Variants in TAFA2 observed in about 807,000 individuals in gnomAD.
TAFA2 encodes the protein chemokine-like protein TAFA-2.
TAFA2 carries 7 observed loss-of-function variants against 18.8 expected under a neutral mutation model. The observed-to-expected ratio is 0.37, with a 90% CI of 0.21 to 0.70. The LOEUF is 0.70. TAFA2 is among the 30% of genes least tolerant of loss of function. TAFA2 has a pLI of 0.53. For synonymous variants in TAFA2, 60 were observed against 54.2 expected, an observed-to-expected ratio of 1.11 and a Z score of -0.47; for missense variants, 122 against 158.1, an observed-to-expected ratio of 0.77 and a Z score of 1.23.
rs189233657 is a variant in TAFA2 at position 61,740,731 on chromosome 12, G to C, written c.384+12891C>G. Among the ~76,000 whole-genome samples the C allele has an allele frequency of 8.4e-4, 128 of 151,578 alleles. 1 individual carries two copies. The highest frequency in any genetic ancestry group is 3.0e-3 in the African/African-American group (123 of 41,348). ...AAAAAAAAAGTTTGTCACCAGAAGA[G>C]AATAAGCAATAAAATATAAAGGTAA... On this transcript the variant is annotated intron_variant, in intron 4 of 4. Coordinates refer to ENST00000416284, the MANE Select transcript of TAFA2 (RefSeq NM_178539.5).
chr12:61,815,040 G>A (rs1712490054), intron 2 of TAFA2, among the ~76,000 whole-genome samples: 1 of 151,480 alleles, frequency 6.6e-6, no homozygotes, highest in Non-Finnish European at 1.5e-5. Context: ...CCTAGTGTGT[G>A]GTAATTTGTT....
intron 1 of TAFA2, among the ~76,000 whole-genome samples, chr12:62,094,349 G>A (rs1336536865): frequency 6.6e-6 from 1 of 151,950 alleles, no homozygotes. Flanking sequence ...TTGGGAAGAG[G>A]CGGTGAAGGA....
intron 2 of TAFA2, among the ~76,000 whole-genome samples, chr12:61,838,773 G>A (rs1565651934): frequency 6.6e-6 from 1 of 151,948 alleles, no homozygotes; most frequent in Non-Finnish European, 1.5e-5. Flanking sequence ...TGGAGTGAGG[G>A]GCAGCAGAAG....
At chr12:61,881,855 C>A (rs1205048652) in intron 1 of TAFA2, among the ~76,000 whole-genome samples, 1 of 151,858 alleles carries the variant, frequency 6.6e-6, no homozygotes, top group African/African-American at 2.4e-5. Context: ...CAGTTCGAAG[C>A]CATCTTATTT....
At chr12:62,081,543 G>T (rs1181376206) in intron 1 of TAFA2, among the ~76,000 whole-genome samples, 1 of 151,898 alleles carries the variant, frequency 6.6e-6, no homozygotes, top group Non-Finnish European at 1.5e-5. Flanking sequence ...GGAGTACGGT[G>T]GTGCAATCTC....
intron 1 of TAFA2, among the ~76,000 whole-genome samples, chr12:61,985,649 A>C (rs1879786652): frequency 6.6e-6 from 1 of 152,196 alleles, no homozygotes; most frequent in Non-Finnish European, 1.5e-5. Flanking sequence ...AGCTCCCTGT[A>C]CTTCAGAAGT....
upstream of TAFA2, among the ~76,000 whole-genome samples, chr12:62,193,344 A>G (rs1323031496): frequency 6.6e-6 from 1 of 152,216 alleles, no homozygotes; most frequent in Admixed American, 6.5e-5. Flanking sequence ...GCCAGTTTTC[A>G]TACCTCTTTT....
intron 1 of TAFA2, among the ~76,000 whole-genome samples, chr12:61,939,395 G>A (rs571707914): frequency 1.3e-5 from 2 of 151,866 alleles, no homozygotes; most frequent in African/African-American, 2.4e-5. Flanking sequence ...TTTTCCTCTG[G>A]TATTTGAATA....
In TAFA2 at chr12:61,782,527, GT is replaced by G. The variant is rs1338623895; in HGVS notation, c.107-27504del. On this transcript the variant is annotated intron_variant, in intron 2 of 4. Coordinates refer to ENST00000416284, the MANE Select transcript of TAFA2 (RefSeq NM_178539.5). ...TTGATGTCTTTTGTCTCCCCAAAAT[GT>G]TTTTTACACATGTTATACAAAACCA... Among the ~76,000 whole-genome samples, 5 of 151,696 alleles carry G rather than the reference GT, an allele frequency of 3.3e-5. No homozygotes were observed. The East Asian group carries it at 7.8e-4, about 24-fold the overall frequency.
At chr12:61,953,790 CACACTA>C (rs1047712399) in intron 1 of TAFA2, among the ~76,000 whole-genome samples, 5 of 152,156 alleles carry the variant, frequency 3.3e-5, no homozygotes, top group Admixed American at 2.6e-4. Context: ...TGTCACATGT[CACACTA>C]ACACAGAGAA....
chr12:62,200,477 G>A (rs1407063144), intron 1 of TAFA2, among the ~76,000 whole-genome samples: 1 of 152,168 alleles, frequency 6.6e-6, no homozygotes, highest in Non-Finnish European at 1.5e-5. Flanking sequence ...CATATGGCTA[G>A]CCAGTTATCC....
chr12:61,733,378 TTTTC>T, intron 4 of TAFA2, among the ~76,000 whole-genome samples: 1 of 152,060 alleles, frequency 6.6e-6, no homozygotes, highest in Non-Finnish European at 1.5e-5. Flanking sequence ...AATGCCCAGG[TTTTC>T]TTCTAGGGTT....
intron 1 of TAFA2, among the ~76,000 whole-genome samples, chr12:61,888,007 A>G (rs1207489839): frequency 6.6e-6 from 1 of 152,044 alleles, no homozygotes; most frequent in Non-Finnish European, 1.5e-5. Flanking sequence ...CATCAGAGAA[A>G]TGCAAATCAA....
intron 1 of TAFA2, among the ~76,000 whole-genome samples, chr12:61,884,824 G>GA (rs1437712710): frequency 6.6e-6 from 1 of 151,732 alleles, no homozygotes; most frequent in Non-Finnish European, 1.5e-5. Flanking sequence ...GAGAGAAAAA[G>GA]AAAAAAGAAG....
chr12:61,951,742 G>A (rs1878474626), intron 1 of TAFA2, among the ~76,000 whole-genome samples: 1 of 151,990 alleles, frequency 6.6e-6, no homozygotes, highest in Non-Finnish European at 1.5e-5. Flanking sequence ...AATAAATTAG[G>A]AAACCAGTAC....
chr12:61,929,388 A>T (rs1565685213), intron 1 of TAFA2, among the ~76,000 whole-genome samples: 1 of 152,172 alleles, frequency 6.6e-6, no homozygotes, highest in Non-Finnish European at 1.5e-5. Flanking sequence ...TATGCAGCCA[A>T]AAGACACATG....
chr12:61,864,697 C>T (rs1166414454), intron 2 of TAFA2, among the ~76,000 whole-genome samples: 5 of 142,624 alleles, frequency 3.5e-5, no homozygotes, highest in African/African-American at 7.9e-5. Context: ...GGCGTGAACC[C>T]GGGAGGCGGA....
intron 1 of TAFA2, among the ~76,000 whole-genome samples, chr12:62,035,398 G>A (rs1881570841): frequency 6.6e-6 from 1 of 152,166 alleles, no homozygotes; most frequent in East Asian, 1.9e-4. Context: ...AGCGCTCTAA[G>A]GGGAAAGCAA....
chr12:61,772,130 G>A (rs1439205591), intron 2 of TAFA2, among the ~76,000 whole-genome samples: 2 of 151,758 alleles, frequency 1.3e-5, no homozygotes, highest in Non-Finnish European at 2.9e-5. Context: ...AAAATCTAGA[G>A]GAGATGGATA....
Sources: allele counts gnomAD v4.1 joint callset (sites outside exome capture counted in the v4.1 genomes callset), GRCh38; gene constraint gnomAD v4.1.1; transcripts MANE v1.5; gene names NCBI Gene and HGNC (gene_info 2026-07-23, HGNC 2026-07-21).